CD109: variants seen among roughly 807,000 people sequenced by gnomAD.
CD109 encodes CD109 antigen.
In CD109, 149 loss-of-function variants were observed where a neutral mutation model predicts 165.8. That is an observed-to-expected ratio of 0.90 (90% CI 0.79 to 1.03). The LOEUF (loss-of-function observed/expected upper bound fraction) is 1.03, where lower values mean the gene tolerates loss of function less well. Ranked by LOEUF, CD109 falls within the 50% of genes least tolerant of loss-of-function variation. The probability of loss-of-function intolerance (pLI) is 0.00; values close to 1 mark genes in which losing one functional copy is unlikely to be tolerated. For synonymous variants in CD109, 585 were observed against 592.1 expected, an observed-to-expected ratio of 0.99 and a Z score of 0.18; for missense variants, 1,712 against 1,677.8, an observed-to-expected ratio of 1.02 and a Z score of -0.36.
chr6:73,688,771 T>TTTG, the CD109 span, among the ~76,000 whole-genome samples: 1 of 118,250 alleles, frequency 8.5e-6, no homozygotes, highest in Admixed American at 8.2e-5. Flanking sequence ...GTTTTTTTTT[T>TTTG]TTTTTTTTTT....
In CD109 at chr6:73,824,759, T is replaced by C. The variant is rs1776220641; in HGVS notation, c.*1126T>C. On this transcript the variant is annotated 3_prime_UTR_variant, in exon 33 of 33. Transcript: ENST00000287097. Reference sequence around the variant, plus strand: ...TTTAATTGCCCTGTATTCCGAAGGGTAATATAATTTATCTGGATGGAAATT... The same window carrying C: ...TTTAATTGCCCTGTATTCCGAAGGGCAATATAATTTATCTGGATGGAAATT... 1 of 152,174 alleles carries C rather than the reference T, an allele frequency of 6.6e-6. No individual in the cohort carries two copies. The highest frequency in any genetic ancestry group is 1.5e-5 in the Non-Finnish European group (1 of 68,026). 9.4% of individuals were successfully genotyped at this position (152,174 alleles called of 1,614,324 possible).
intron 2 of CD109, among the ~76,000 whole-genome samples, chr6:73,707,993 TA>T (rs1771359133): frequency 2.7e-5 from 2 of 73,812 alleles, no homozygotes; most frequent in Non-Finnish European, 2.9e-5. Context: ...TATATATATA[TA>T]TATATATATA....
In CD109 at chr6:73,772,770, C is replaced by T. The variant is rs1026752930; in HGVS notation, c.1827+1189C>T. Among the ~76,000 whole-genome samples the T allele has an allele frequency of 2.6e-5, 4 of 151,878 alleles. No homozygotes were observed. In the South Asian group the frequency reaches 6.2e-4, roughly 24 times the overall value. On this transcript the variant is annotated intron_variant, in intron 15 of 32. Transcript: ENST00000287097. ...TTAATGGATTCAGTAGAGTGATTAA[C>T]AATACATCAGAAAGAAAACTATATA...
intron 2 of CD109, among the ~76,000 whole-genome samples, chr6:73,718,778 A>G (rs970121263): frequency 4.1e-4 from 62 of 150,022 alleles, no homozygotes; most frequent in African/African-American, 1.5e-3. Flanking sequence ...CTTTAAACTC[A>G]ATGTATGTAA....
chr6:73,698,208 GC>G (rs1770927729), intron 2 of CD109, among the ~76,000 whole-genome samples: 1 of 152,172 alleles, frequency 6.6e-6, no homozygotes, highest in Non-Finnish European at 1.5e-5. Context: ...TTCTGACATG[GC>G]CCAAGATTAA....
At chr6:73,717,194 T>C (rs1003028037) in intron 2 of CD109, among the ~76,000 whole-genome samples, 62 of 151,572 alleles carry the variant, frequency 4.1e-4, no homozygotes, top group African/African-American at 1.5e-3. Context: ...GTAGCATAAT[T>C]TGAAGTCAGG....
At position 73,763,661 on chromosome 6, in the gene CD109, G is replaced by A; in HGVS notation, c.1083G>A (p.Lys361=). ...IEFFDYTTVL[K]PSLNFTATVK... ...TTTTTGATTATACTACTGTCTTGAA[G>A]CCATCTCTCAACTTCACAGCCACTG... The change falls in exon 10 of 33, where the codon AAG becomes AAA. Residue 361 remains lysine (K), a synonymous_variant. Coordinates refer to ENST00000287097, the MANE Select transcript of CD109 (RefSeq NM_133493.5). 1 of 1,582,844 alleles carries A rather than the reference G, an allele frequency of 6.3e-7. No homozygotes were observed. The highest frequency in any genetic ancestry group is 8.6e-7 in the Non-Finnish European group (1 of 1,160,886).
chr6:73,709,628 G>A, intron 2 of CD109, among the ~76,000 whole-genome samples: 1 of 152,000 alleles, frequency 6.6e-6, no homozygotes, highest in Non-Finnish European at 1.5e-5. Context: ...GCCTGGCAGA[G>A]ACACAACAAA....
Position 73,807,023 on chromosome 6 carries a change from CACTT to C in CD109, c.3143_3146del (p.Leu1048GlnfsTer5). On this transcript the variant is annotated frameshift_variant, in exon 25 of 33. Transcript: ENST00000287097. LOFTEE classifies it high-confidence loss of function. ...CAAGGTGGCAATAAAAGTCCAGTAACACTTACAGCCTATATTGTAACTTCTCTCC... is the reference window on the plus strand; with the variant it reads ...CAAGGTGGCAATAAAAGTCCAGTAACACAGCCTATATTGTAACTTCTCTCC... 1.9e-6 allele frequency: 3 copies of C among 1,613,878 alleles called. No homozygotes were observed. The highest frequency in any genetic ancestry group is 2.5e-6 in the Non-Finnish European group (3 of 1,179,868).
intron 15 of CD109, among the ~76,000 whole-genome samples, chr6:73,774,506 G>A (rs939023612): frequency 9.2e-5 from 14 of 152,196 alleles, no homozygotes; most frequent in African/African-American, 3.4e-4. Flanking sequence ...AGGAGGAGAG[G>A]AAGAGTGAAT....
intron 2 of CD109, among the ~76,000 whole-genome samples, chr6:73,705,024 C>A (rs528908459): frequency 6.6e-6 from 1 of 152,136 alleles, no homozygotes. Context: ...AGTTACTTCA[C>A]GTACTAGAGA....
At chr6:73,791,136 C>T (rs7453693) in intron 22 of CD109, among the ~76,000 whole-genome samples, 800 of 56,012 alleles carry the variant, frequency 0.014, 12 homozygotes, top group East Asian at 0.087. Context: ...TACATACATA[C>T]ATATATATAT....
chr6:73,766,626 G>T, intron 11 of CD109, 133 bp from the exon 12 acceptor site: 3 of 629,774 alleles, frequency 4.8e-6, no homozygotes, highest in Non-Finnish European at 5.6e-6. Context: ...TCCAATGTCT[G>T]GTGAATGTAT....
Position 73,808,269 on chromosome 6 carries a change from G to C in CD109, c.3355+21G>C, listed in dbSNP as rs758704574. The C allele has an allele frequency of 5.6e-5, 89 of 1,593,622 alleles. 1 individual carries two copies. In the South Asian group the frequency reaches 1.0e-3, roughly 18 times the overall value. ...AGAAGGTAATGTGCTGGGCCCACTTGAGGTTGTTATGCTTTATGAAATATA... is the reference window on the plus strand; with the variant it reads ...AGAAGGTAATGTGCTGGGCCCACTTCAGGTTGTTATGCTTTATGAAATATA... On this transcript the variant is annotated intron_variant, in intron 26 of 32. Transcript: ENST00000287097.
chr6:73,687,427 T>C, the CD109 span, among the ~76,000 whole-genome samples: 1 of 151,224 alleles, frequency 6.6e-6, no homozygotes, highest in African/African-American at 2.4e-5. Flanking sequence ...GCATGCTCTC[T>C]CTCTTCCCTT....
chr6:73,767,144 T>G, intron 13 of CD109, 134 bp downstream of exon 13: 1 of 714,450 alleles, frequency 1.4e-6, no homozygotes, highest in Non-Finnish European at 2.3e-6. Flanking sequence ...TACAGATTAT[T>G]TCATCACCCA....
chr6:73,814,179 C>T (rs1330427915), intron 29 of CD109, among the ~76,000 whole-genome samples: 2 of 151,766 alleles, frequency 1.3e-5, no homozygotes, highest in Non-Finnish European at 2.9e-5. Flanking sequence ...TATGTGTGTG[C>T]ACGTGTGCAT....
chr6:73,762,603 G>C, intron 8 of CD109, 123 bp downstream of exon 8: 1 of 956,498 alleles, frequency 1.0e-6, no homozygotes, highest in Non-Finnish European at 1.6e-6. Context: ...TTCCAGCATT[G>C]AACAAATGAG....
chr6:73,684,719 C>T, the CD109 span, among the ~76,000 whole-genome samples: 1 of 151,788 alleles, frequency 6.6e-6, no homozygotes, highest in African/African-American at 2.4e-5. Context: ...GGATCTTACT[C>T]TGTCACCTGG....
Sources: allele counts gnomAD v4.1 joint callset (sites outside exome capture counted in the v4.1 genomes callset), GRCh38; gene constraint gnomAD v4.1.1; transcripts MANE v1.5; gene names NCBI Gene and HGNC (gene_info 2026-07-23, HGNC 2026-07-21).